Variants in SOX6 observed in about 807,000 individuals in gnomAD.
The protein encoded by SOX6 is SRY-box transcription factor 6.
A neutral mutation model predicts 97.8 loss-of-function variants in SOX6; 11 were observed. The observed-to-expected ratio is 0.11, with a 90% CI of 0.07 to 0.19. The LOEUF is 0.19. Among genes scored for constraint, SOX6 ranks in the 10% least tolerant of loss-of-function variants. The probability of loss-of-function intolerance (pLI) is 1.00; values close to 1 mark genes in which losing one functional copy is unlikely to be tolerated. For synonymous variants in SOX6, 360 were observed against 371.4 expected, an observed-to-expected ratio of 0.97 and a Z score of 0.35; for missense variants, 810 against 1,039.5, an observed-to-expected ratio of 0.78 and a Z score of 3.04.
chr11:16,209,686 G>A (rs1852167741), intron 4 of SOX6, among the ~76,000 whole-genome samples: 1 of 152,170 alleles, frequency 6.6e-6, no homozygotes, highest in South Asian at 2.1e-4. Context: ...CTGGAAGGCG[G>A]AGATGGTAGT....
intron 2 of SOX6, among the ~76,000 whole-genome samples, chr11:16,326,735 A>T (rs1276448980): frequency 6.6e-6 from 1 of 152,184 alleles, no homozygotes; most frequent in Non-Finnish European, 1.5e-5. Flanking sequence ...AGTGCTTAAA[A>T]CAAAACCAAT....
chr11:16,483,811 AGTT>A (rs1860387032), intron 4 of SOX6, among the ~76,000 whole-genome samples: 1 of 152,218 alleles, frequency 6.6e-6, no homozygotes, highest in African/African-American at 2.4e-5. Flanking sequence ...TTCCTGTTGT[AGTT>A]GAGTGAGGTG....
chr11:16,019,319 TTCCAATGGTCTG>T (rs1854982525), intron 12 of SOX6, among the ~76,000 whole-genome samples: 2 of 152,144 alleles, frequency 1.3e-5, no homozygotes, highest in African/African-American at 4.8e-5. Context: ...GTATATTTCA[TTCCAATGGTCTG>T]AATGAGAGGT....
intron 6 of SOX6, among the ~76,000 whole-genome samples, chr11:16,161,572 C>G (rs1011453935): frequency 1.3e-5 from 2 of 152,092 alleles, no homozygotes; most frequent in Non-Finnish European, 2.9e-5. Context: ...GGATTCTGAA[C>G]AGACAAAAGC....
At chr11:16,258,593 G>A (rs1032294685) in intron 3 of SOX6, among the ~76,000 whole-genome samples, 3 of 151,750 alleles carry the variant, frequency 2.0e-5, no homozygotes, top group Admixed American at 1.3e-4. Context: ...ATTTTTTTAC[G>A]GTAGTGAAAC....
At chr11:16,479,529 TAAAA>T (rs77854554), upstream of SOX6, among the ~76,000 whole-genome samples, 2 of 126,890 alleles carry the variant, frequency 1.6e-5, no homozygotes, top group Admixed American at 8.1e-5. Flanking sequence ...GACTCTGTCT[TAAAA>T]AAAAAAAAAA....
intron 7 of SOX6, among the ~76,000 whole-genome samples, chr11:16,101,155 A>C (rs1197692892): frequency 6.6e-6 from 1 of 151,660 alleles, no homozygotes; most frequent in Non-Finnish European, 1.5e-5. Flanking sequence ...CACTGATGCA[A>C]ACTTGAACAT....
intron 1 of SOX6, among the ~76,000 whole-genome samples, chr11:16,399,094 T>A (rs1858467390): frequency 6.6e-6 from 1 of 151,314 alleles, no homozygotes; most frequent in African/African-American, 2.4e-5. Context: ...ATTTACGATC[T>A]AGACTAAATC....
At chr11:16,668,190 T>C (rs1847821072) in intron 3 of SOX6, among the ~76,000 whole-genome samples, 1 of 152,066 alleles carries the variant, frequency 6.6e-6, no homozygotes, top group Non-Finnish European at 1.5e-5. Context: ...CAGGCCAACA[T>C]GGGGAAACCC....
chr11:15,972,753 T>G lies in SOX6; in HGVS notation c.*56A>C. ...TGCATGCGGGCTCTTTAATAACTCT[T>G]TGTTGGGGAGGGGGGTGAAATGTCA... On this transcript the variant is annotated 3_prime_UTR_variant, in exon 16 of 16. Transcript: ENST00000683767. 3.8e-6 allele frequency: 6 copies of G among 1,583,832 alleles called. No homozygotes were observed. Among genetic ancestry groups the G allele is most frequent in the Non-Finnish European group, 4.3e-6 (5 of 1,152,960 alleles).
At chr11:16,163,436 T>C (rs973325530) in intron 6 of SOX6, among the ~76,000 whole-genome samples, 2 of 152,186 alleles carry the variant, frequency 1.3e-5, no homozygotes, top group African/African-American at 2.4e-5. Flanking sequence ...AAAATAAACA[T>C]GTGGAAAGGA....
intron 4 of SOX6, among the ~76,000 whole-genome samples, chr11:16,499,382 C>T (rs1043529665): frequency 2.6e-5 from 4 of 152,108 alleles, no homozygotes; most frequent in African/African-American, 9.7e-5. Context: ...AACACCCTAA[C>T]ATCACAATTA....
chr11:16,230,392 G>T (rs1852812948), intron 4 of SOX6, among the ~76,000 whole-genome samples: 1 of 151,628 alleles, frequency 6.6e-6, no homozygotes, highest in South Asian at 2.1e-4. Context: ...ATTGAAATAT[G>T]ACTACACCTA....
At chr11:16,103,350 CAT>C (rs921253285) in intron 7 of SOX6, among the ~76,000 whole-genome samples, 1 of 150,682 alleles carries the variant, frequency 6.6e-6, no homozygotes, top group Non-Finnish European at 1.5e-5. Context: ...CAAGAATGGT[CAT>C]AATAAAAAAA....
intron 6 of SOX6, among the ~76,000 whole-genome samples, chr11:16,141,578 C>T (rs777578974): frequency 2.6e-5 from 4 of 152,088 alleles, no homozygotes; most frequent in South Asian, 4.1e-4. Flanking sequence ...TCACCTCACC[C>T]GAAAAGCGCA....
chr11:16,287,767 C>T (rs972687622), intron 3 of SOX6, among the ~76,000 whole-genome samples: 1 of 151,960 alleles, frequency 6.6e-6, no homozygotes, highest in Admixed American at 6.6e-5. Flanking sequence ...CAGAGAATTC[C>T]TGGTATACTC....
chr11:16,390,547 T>C (rs1858142613), intron 1 of SOX6, among the ~76,000 whole-genome samples: 1 of 152,200 alleles, frequency 6.6e-6, no homozygotes, highest in Non-Finnish European at 1.5e-5. Context: ...ATACCATGCT[T>C]TTTCACTCCT....
intron 6 of SOX6, among the ~76,000 whole-genome samples, chr11:16,137,099 C>T (rs1176529988): frequency 6.6e-6 from 1 of 152,172 alleles, no homozygotes; most frequent in Non-Finnish European, 1.5e-5. Flanking sequence ...TCTGAACTTT[C>T]TGTAACATTA....
intron 3 of SOX6, among the ~76,000 whole-genome samples, chr11:16,636,363 T>C (rs1848789851): frequency 6.6e-6 from 1 of 152,202 alleles, no homozygotes; most frequent in African/African-American, 2.4e-5. Context: ...CTGTAGCCTC[T>C]TCGTTTTGGT....
Sources: allele counts gnomAD v4.1 joint callset (sites outside exome capture counted in the v4.1 genomes callset), GRCh38; gene constraint gnomAD v4.1.1; transcripts MANE v1.5; gene names NCBI Gene and HGNC (gene_info 2026-07-23, HGNC 2026-07-21).